ERCC6L2: variants seen among roughly 807,000 people sequenced by gnomAD.
ERCC6L2 encodes the protein ERCC excision repair 6 like 2.
In ERCC6L2, 77 loss-of-function variants were observed where a neutral mutation model predicts 132.0. That is an observed-to-expected ratio of 0.58 (90% CI 0.49 to 0.71). ERCC6L2 has a LOEUF of 0.71. Ranked by LOEUF, ERCC6L2 falls within the 30% of genes least tolerant of loss-of-function variation. The pLI, the probability that ERCC6L2 is intolerant of heterozygous loss-of-function variation, is 0.00. For synonymous variants in ERCC6L2, 583 were observed against 632.4 expected (o/e 0.92, Z 1.17); for missense variants, 1,542 against 1,837.6 (o/e 0.84, Z 2.94).
chr9:95,996,186 T>C (rs1833466123), intron 17 of ERCC6L2, among the ~76,000 whole-genome samples: 1 of 152,246 alleles, frequency 6.6e-6, no homozygotes, highest in African/African-American at 2.4e-5. Context: ...GCCTTATCTC[T>C]GACATGGAGA....
At chr9:95,963,274 C>T (rs1187702335) in intron 13 of ERCC6L2, among the ~76,000 whole-genome samples, 1 of 151,950 alleles carries the variant, frequency 6.6e-6, no homozygotes, top group Non-Finnish European at 1.5e-5. Flanking sequence ...TCCCTATTTG[C>T]TGACATTTTA....
chr9:96,006,533 A>T (rs980601830), intron 18 of ERCC6L2, among the ~76,000 whole-genome samples: 6 of 152,194 alleles, frequency 3.9e-5, no homozygotes, highest in Non-Finnish European at 5.9e-5. Flanking sequence ...TGTAAGTTTG[A>T]ATGTAAAAAG....
chr9:95,909,996 A>G (rs1421945859), intron 4 of ERCC6L2, among the ~76,000 whole-genome samples: 1 of 152,166 alleles, frequency 6.6e-6, no homozygotes, highest in Admixed American at 6.5e-5. Context: ...AGTATCTTGT[A>G]GTGTAATTTG....
chr9:95,973,629 T>C (rs986189525), intron 16 of ERCC6L2, among the ~76,000 whole-genome samples: 2 of 152,002 alleles, frequency 1.3e-5, no homozygotes, highest in African/African-American at 2.4e-5. Flanking sequence ...CTCATGAGAC[T>C]TATTCGCTAT....
At chr9:95,920,499 T>C (rs867345985) in intron 6 of ERCC6L2, among the ~76,000 whole-genome samples, 10 of 152,184 alleles carry the variant, frequency 6.6e-5, no homozygotes, top group African/African-American at 1.9e-4. Context: ...AGGCTATTAG[T>C]AGTTATGTTT....
At chr9:95,890,891 A>T (rs1054705296) in intron 2 of ERCC6L2, among the ~76,000 whole-genome samples, 2 of 151,868 alleles carry the variant, frequency 1.3e-5, no homozygotes, top group African/African-American at 4.8e-5. Flanking sequence ...CTGGCCTTAA[A>T]CTCCTGAGCT....
In ERCC6L2 at chr9:95,972,684, A is replaced by G. The variant is rs1316946268; in HGVS notation, c.2933A>G (p.Asp978Gly). 5 of 1,300,334 alleles carry G rather than the reference A, an allele frequency of 3.8e-6. No homozygotes were observed. Among genetic ancestry groups the G allele is most frequent in the African/African-American group, 3.0e-5 (2 of 66,004 alleles). 80.5% of individuals were successfully genotyped at this position (1,300,334 alleles called of 1,614,324 possible). A position where few individuals can be genotyped will look rare whatever the true frequency, so the allele number is the denominator to read the frequency against. The change falls in exon 16 of 19, where the codon GAT (aspartate) becomes GGT (glycine). Residue 978 changes from aspartate (D) to glycine (G), a missense_variant. Asp to Gly is a moderately conservative substitution (Grantham distance 94, BLOSUM62 -1). Transcript: ENST00000653738. ...ATTTTGAAAAGAAAAGGCACCAGTG[A>G]TATCAGTGATGAATCTGATGACATT... is the stretch of plus-strand genomic sequence containing the variant. Reference protein sequence around the residue: ...KSILKRKGTSDISDESDDIEI... With the variant: ...KSILKRKGTSGISDESDDIEI...
intron 2 of ERCC6L2, among the ~76,000 whole-genome samples, chr9:95,892,666 AC>A (rs1828235222): frequency 6.6e-6 from 1 of 151,922 alleles, no homozygotes; most frequent in East Asian, 1.9e-4. Context: ...CAAGTGATCC[AC>A]CCACCTAAAC....
intron 12 of ERCC6L2, chr9:95,954,924 T>A (rs768866244): frequency 1.5e-5 from 7 of 469,652 alleles, no homozygotes; most frequent in Middle Eastern, 3.3e-4. Context: ...GAGGGACAGG[T>A]AAAGGAGGCA....
At position 95,923,345 on chromosome 9, in the gene ERCC6L2, C is replaced by A; in HGVS notation, c.1499C>A (p.Thr500Lys). The change falls in exon 9 of 19, where the codon ACA becomes AAA. Residue 500 changes from threonine (T) to lysine (K), a missense_variant. Around this residue, in one of 4 missense-constraint regions of ERCC6L2, gnomAD observed 945 missense variants for 1,105.2 expected, o/e 0.86. Transcript: ENST00000653738. Reference protein sequence around the residue: ...VQKSKDAAFETLSDPKYSGKM... With the variant: ...VQKSKDAAFEKLSDPKYSGKM... ...AAAAGCAAAGATGCAGCCTTTGAAA[C>A]ACTTTCTGACCCTAAATACAGTGGA... The A allele has an allele frequency of 6.2e-7, 1 of 1,613,854 alleles. No individual in the cohort carries two copies. The highest frequency in any genetic ancestry group is 8.5e-7 in the Non-Finnish European group (1 of 1,179,858).
At chr9:95,977,720 A>T (rs1411975142) in intron 16 of ERCC6L2, among the ~76,000 whole-genome samples, 2 of 152,128 alleles carry the variant, frequency 1.3e-5, no homozygotes, top group Admixed American at 1.3e-4. Context: ...TTCATTCTTT[A>T]AATTAGTGAA....
intron 1 of ERCC6L2, chr9:95,877,250 A>G (rs1827323632): frequency 6.6e-6 from 1 of 152,092 alleles, no homozygotes. Context: ...GAGAGATTCC[A>G]TTTCTAACTC....
Position 95,876,024 on chromosome 9 carries a change from C to T in ERCC6L2, c.-15C>T, listed in dbSNP as rs56108623. ...GTGTTACATGCAGCCGGGCTCGGCC[C>T]CTCCCCCTGGCCGGATGGATCCGTC... is the stretch of plus-strand genomic sequence containing the variant. On this transcript the variant is annotated 5_prime_UTR_variant, in exon 1 of 19. Transcript: ENST00000653738. 0.094 allele frequency: 149,452 copies of T among 1,584,238 alleles called. 8,015 individuals are homozygous for T. The highest frequency in any genetic ancestry group is 0.17 in the Admixed American group (9,823 of 56,442).
chr9:95,999,097 A>G (rs1013066088), intron 17 of ERCC6L2, among the ~76,000 whole-genome samples: 14 of 152,158 alleles, frequency 9.2e-5, no homozygotes, highest in Non-Finnish European at 4.4e-5. Flanking sequence ...GTGGTGGCTC[A>G]CTCCTGTAAT....
intron 19 of ERCC6L2, among the ~76,000 whole-genome samples, chr9:96,023,489 T>A (rs116629769): frequency 0.018 from 2,780 of 152,300 alleles, 94 homozygotes; most frequent in African/African-American, 0.062. Context: ...CATCCCTCAC[T>A]GCTACCAGCT....
At chr9:95,971,288 T>C (rs1487881703) in intron 15 of ERCC6L2, among the ~76,000 whole-genome samples, 1 of 152,174 alleles carries the variant, frequency 6.6e-6, no homozygotes, top group Non-Finnish European at 1.5e-5. Flanking sequence ...ATCTCAAATA[T>C]TGGCAAAAGT....
At chr9:95,917,768 T>A (rs750058623) in intron 6 of ERCC6L2, among the ~76,000 whole-genome samples, 22 of 152,212 alleles carry the variant, frequency 1.4e-4, no homozygotes, top group Non-Finnish European at 2.9e-4. Flanking sequence ...GTTTTGTGAC[T>A]TGGAGCAATT....
downstream of ERCC6L2, among the ~76,000 whole-genome samples, chr9:96,022,283 C>G (rs993601726): frequency 5.1e-4 from 78 of 152,300 alleles, no homozygotes; most frequent in African/African-American, 1.7e-3. Context: ...ACACCGGGAC[C>G]GCGGCGGGTG....
intron 13 of ERCC6L2, among the ~76,000 whole-genome samples, chr9:95,959,026 A>G (rs1831762778): frequency 6.6e-6 from 1 of 151,886 alleles, no homozygotes; most frequent in Non-Finnish European, 1.5e-5. Context: ...GGAAAAAACT[A>G]CTTTAAAGTT....
Sources: allele counts gnomAD v4.1 joint callset (sites outside exome capture counted in the v4.1 genomes callset), GRCh38; gene constraint gnomAD v4.1.1; regional missense constraint gnomAD v4.1.1; transcripts MANE v1.5; gene names NCBI Gene and HGNC (gene_info 2026-07-23, HGNC 2026-07-21).